SPOCK3: variants seen among roughly 807,000 people sequenced by gnomAD.
SPOCK3 encodes the protein SPARC (osteonectin), cwcv and kazal like domains proteoglycan 3.
In SPOCK3, 30 loss-of-function variants were observed where a neutral mutation model predicts 56.6. The ratio of observed to expected loss-of-function variants is 0.53; its 90% CI spans 0.40 to 0.72. SPOCK3 has a LOEUF of 0.72. Among genes scored for constraint, SPOCK3 ranks in the 30% least tolerant of loss-of-function variants. The pLI, the probability that SPOCK3 is intolerant of heterozygous loss-of-function variation, is 0.00. For synonymous variants in SPOCK3, 196 were observed against 183.3 expected (o/e 1.07, Z -0.56); for missense variants, 527 against 530.0 (o/e 0.99, Z 0.06).
At chr4:167,210,192 C>T (rs7669326) in intron 2 of SPOCK3, among the ~76,000 whole-genome samples, 2,800 of 152,240 alleles carry the variant, frequency 0.018, 94 homozygotes, top group African/African-American at 0.063. Flanking sequence ...GAACATGCCA[C>T]GTACTTTTAT....
chr4:166,742,224 GTCTATCTATCA>G (rs1444611619), intron 8 of SPOCK3, among the ~76,000 whole-genome samples, 165 bp from the exon 9 acceptor site: 15 of 103,436 alleles, frequency 1.5e-4, no homozygotes, highest in African/African-American at 7.7e-4. Flanking sequence ...ACATACATGT[GTCTATCTATCA>G]TCTATCTATC....
chr4:167,087,638 T>C (rs568315339), intron 2 of SPOCK3, among the ~76,000 whole-genome samples: 1 of 152,286 alleles, frequency 6.6e-6, no homozygotes, highest in South Asian at 2.1e-4. Flanking sequence ...GGTGAGTACA[T>C]GCTATCTGAG....
intron 5 of SPOCK3, among the ~76,000 whole-genome samples, chr4:166,901,757 G>A (rs939549200): frequency 2.0e-5 from 3 of 152,238 alleles, no homozygotes; most frequent in African/African-American, 7.2e-5. Flanking sequence ...TGATTTATGC[G>A]ACGTGTCCAG....
intron 2 of SPOCK3, among the ~76,000 whole-genome samples, chr4:167,173,174 C>T (rs997630693): frequency 6.6e-6 from 1 of 152,070 alleles, no homozygotes; most frequent in African/African-American, 2.4e-5. Flanking sequence ...AAATGGATAC[C>T]CGTAAGCACT....
chr4:166,777,542 A>G (rs1266280412), intron 7 of SPOCK3, among the ~76,000 whole-genome samples: 4 of 152,124 alleles, frequency 2.6e-5, no homozygotes, highest in Non-Finnish European at 2.9e-5. Flanking sequence ...TTTGTGAGGC[A>G]AGGTGGCAGG....
chr4:167,192,786 G>C lies in SPOCK3; in HGVS notation c.189+41199C>G, dbSNP rs1732587692. Among the ~76,000 whole-genome samples, 2 of 145,148 alleles carry C rather than the reference G, an allele frequency of 1.4e-5. 1 individual carries two copies. Among genetic ancestry groups the C allele is most frequent in the Admixed American group, 1.4e-4 (2 of 14,080 alleles). ...TATTCTGCTGCCTCCCGTAACTTTT[G>C]ATACGTTGTGTTTCAATTTTCATTT... is the stretch of plus-strand genomic sequence containing the variant. On this transcript the variant is annotated intron_variant, in intron 2 of 10. Coordinates refer to ENST00000357545, the MANE Select transcript of SPOCK3 (RefSeq NM_001040159.2).
At chr4:167,067,357 G>A (rs533001930) in intron 2 of SPOCK3, among the ~76,000 whole-genome samples, 3 of 151,830 alleles carry the variant, frequency 2.0e-5, no homozygotes, top group East Asian at 2.0e-4. Flanking sequence ...TGCAATTTAC[G>A]TTAACTGCTA....
At position 167,172,538 on chromosome 4, in the gene SPOCK3, T is replaced by C. The variant is rs189077199; in HGVS notation, c.189+61447A>G. 2.0e-5 allele frequency among the ~76,000 whole-genome samples: 3 copies of C among 152,296 alleles called. No homozygotes were observed. In the East Asian group the frequency reaches 5.8e-4, roughly 29 times the overall value. On this transcript the variant is annotated intron_variant, in intron 2 of 10. Transcript: ENST00000357545. The stretch of plus-strand genomic sequence containing the variant: ...TTTTGATAGTTCACATTAGTATATA[T>C]AGATATAAATGAAAGCATATTTCCT...
At chr4:166,818,273 C>A (rs1380304388) in intron 6 of SPOCK3, among the ~76,000 whole-genome samples, 2 of 151,606 alleles carry the variant, frequency 1.3e-5, no homozygotes, top group African/African-American at 4.8e-5. Flanking sequence ...TATTATGTGC[C>A]AACTAACTAA....
chr4:167,009,026 T>TA (rs973696862), intron 3 of SPOCK3, among the ~76,000 whole-genome samples: 7 of 152,048 alleles, frequency 4.6e-5, no homozygotes, highest in African/African-American at 1.7e-4. Flanking sequence ...TAAAAAATTT[T>TA]AAAAAATAAA....
chr4:167,209,807 G>A (rs1244639147), intron 2 of SPOCK3, among the ~76,000 whole-genome samples: 5 of 152,106 alleles, frequency 3.3e-5, no homozygotes, highest in African/African-American at 1.2e-4. Context: ...AAACCTTAGT[G>A]AATTTTGTAT....
At chr4:166,970,784 A>G (rs941561196) in intron 4 of SPOCK3, among the ~76,000 whole-genome samples, 2 of 152,162 alleles carry the variant, frequency 1.3e-5, no homozygotes, top group African/African-American at 4.8e-5. Context: ...ATAGTGTATC[A>G]TAAAATTACA....
In SPOCK3 at chr4:166,986,065, A is replaced by T. The variant is rs192643267; in HGVS notation, c.350+14284T>A. Among the ~76,000 whole-genome samples the T allele has an allele frequency of 2.5e-3, 379 of 152,276 alleles. 5 individuals are homozygous for T. The highest frequency in any genetic ancestry group is 0.023 in the Admixed American group (349 of 15,286). ...ACTCTTCTAAATTTTCCAAATCTAC[A>T]ATACTATCATTTCAATAGATCTTCA... On this transcript the variant is annotated intron_variant, in intron 4 of 10. Coordinates refer to ENST00000357545, the MANE Select transcript of SPOCK3 (RefSeq NM_001040159.2).
chr4:166,845,016 G>T (rs1747909964), intron 6 of SPOCK3, among the ~76,000 whole-genome samples: 1 of 152,222 alleles, frequency 6.6e-6, no homozygotes, highest in Non-Finnish European at 1.5e-5. Flanking sequence ...AAAGGTAAAA[G>T]ATTTGTTAAT....
intron 2 of SPOCK3, among the ~76,000 whole-genome samples, chr4:167,219,194 C>T (rs1580664649): frequency 6.6e-6 from 1 of 152,244 alleles, no homozygotes; most frequent in East Asian, 1.9e-4. Context: ...GCCAAGGGCA[C>T]CTCAGGCAGC....
rs568033964 is a variant in SPOCK3, at chr4:167,013,568, C to T, written c.236-13105G>A. ...AAATATTATCATAAAATATTTTTAC[C>T]GGTTTCCATTTTGTAATCTATTACA... On this transcript the variant is annotated intron_variant, in intron 3 of 10. Coordinates refer to ENST00000357545, the MANE Select transcript of SPOCK3 (RefSeq NM_001040159.2). 4.0e-4 allele frequency among the ~76,000 whole-genome samples: 61 copies of T among 150,748 alleles called. 1 individual carries two copies. Among genetic ancestry groups the T allele is most frequent in the African/African-American group, 9.7e-4 (40 of 41,186 alleles).
chr4:167,001,943 TTTTA>T (rs1355721863), intron 3 of SPOCK3, among the ~76,000 whole-genome samples: 1 of 149,968 alleles, frequency 6.7e-6, no homozygotes, highest in Non-Finnish European at 1.5e-5. Context: ...AATCAATGCA[TTTTA>T]TTTATTTTAT....
At chr4:166,768,681 T>G (rs1738481229) in intron 7 of SPOCK3, among the ~76,000 whole-genome samples, 1 of 152,174 alleles carries the variant, frequency 6.6e-6, no homozygotes, top group Non-Finnish European at 1.5e-5. Context: ...TTGCTCTTCT[T>G]GAGGAGTATC....
chr4:167,010,746 A>G (rs1749959483), intron 3 of SPOCK3, among the ~76,000 whole-genome samples: 1 of 152,138 alleles, frequency 6.6e-6, no homozygotes, highest in African/African-American at 2.4e-5. Flanking sequence ...GATGAGCAAT[A>G]AACTGATAAA....
Sources: allele counts gnomAD v4.1 joint callset (sites outside exome capture counted in the v4.1 genomes callset), GRCh38; gene constraint gnomAD v4.1.1; transcripts MANE v1.5; gene names NCBI Gene and HGNC (gene_info 2026-07-23, HGNC 2026-07-21).